The following SEC23A variants were observed in gnomAD, a reference collection of about 807,000 sequenced individuals.
SEC23A encodes protein transport protein Sec23A.
In SEC23A, 56 loss-of-function variants were observed where a neutral mutation model predicts 103.7. The observed-to-expected ratio is 0.54, with a 90% CI of 0.44 to 0.67. SEC23A has a LOEUF of 0.67. Among genes scored for constraint, SEC23A ranks in the 30% least tolerant of loss-of-function variants. The probability of loss-of-function intolerance (pLI) is 0.00; values close to 1 mark genes in which losing one functional copy is unlikely to be tolerated. For missense variants in SEC23A, 784 were observed against 936.4 expected (o/e 0.84, Z 2.12); for synonymous variants, 281 against 293.0 (o/e 0.96, Z 0.42).
intron 1 of SEC23A, among the ~76,000 whole-genome samples, chr14:39,101,358 A>G (rs1012284556): frequency 1.3e-5 from 2 of 151,568 alleles, no homozygotes; most frequent in East Asian, 2.0e-4. Context: ...GGTGGCTCAC[A>G]CCTGTAATCC....
chr14:39,059,337 T>TGG (rs1026588298), intron 13 of SEC23A, among the ~76,000 whole-genome samples: 1 of 130,646 alleles, frequency 7.7e-6, no homozygotes, highest in Non-Finnish European at 1.6e-5. Flanking sequence ...TCATTGGAAA[T>TGG]GGTTGGGATA....
intron 1 of SEC23A, among the ~76,000 whole-genome samples, chr14:39,100,002 T>C (rs545313676): frequency 2.0e-5 from 3 of 152,186 alleles, no homozygotes; most frequent in African/African-American, 7.2e-5. Context: ...ACACAGACAA[T>C]AGCCAGGTTT....
intron 13 of SEC23A, among the ~76,000 whole-genome samples, chr14:39,055,803 CA>C (rs994328983): frequency 6.6e-6 from 1 of 152,160 alleles, no homozygotes; most frequent in African/African-American, 2.4e-5. Context: ...AAAAGAGAAA[CA>C]AATTTTCCTT....
intron 10 of SEC23A, among the ~76,000 whole-genome samples, chr14:39,065,450 A>G (rs1464443170): frequency 6.6e-6 from 1 of 152,072 alleles, no homozygotes; most frequent in Non-Finnish European, 1.5e-5. Context: ...TTCTTACTTG[A>G]GATTCTTTTT....
chr14:39,079,683 G>A (rs760682123), intron 7 of SEC23A, among the ~76,000 whole-genome samples: 10 of 151,940 alleles, frequency 6.6e-5, no homozygotes, highest in South Asian at 2.1e-4. Context: ...TTAGCCAGGC[G>A]GGGTGGCGGG....
Position 39,039,017 on chromosome 14 carries a change from CTATT to C in SEC23A, c.2208+10_2208+13del, listed in dbSNP as rs1885548466. 6.3e-7 allele frequency: 1 copy of C among 1,595,316 alleles called. No individual in the cohort carries two copies. The highest frequency in any genetic ancestry group is 1.1e-5 in the South Asian group (1 of 90,664). ...ACAAAGAAATAATTTCCAAGACCTGCTATTTAAACTTACCTGCCCCCAGGCATAC... is the reference window on the plus strand; with the variant it reads ...ACAAAGAAATAATTTCCAAGACCTGCTAAACTTACCTGCCCCCAGGCATAC... On this transcript the variant is annotated intron_variant, in intron 19 of 19. Coordinates refer to ENST00000307712, the MANE Select transcript of SEC23A (RefSeq NM_006364.4).
At chr14:39,085,699 C>G in intron 7 of SEC23A, 63 bp downstream of exon 7, 1 of 1,099,704 alleles carries the variant, frequency 9.1e-7, no homozygotes, top group Non-Finnish European at 1.2e-6. Context: ...TACACACACA[C>G]ACACACACAC....
At chr14:39,083,301 G>T (rs1057466259) in intron 7 of SEC23A, among the ~76,000 whole-genome samples, 3 of 151,974 alleles carry the variant, frequency 2.0e-5, no homozygotes, top group South Asian at 2.1e-4. Flanking sequence ...TTGCTCCTTC[G>T]GAAAGGCTAA....
At chr14:39,092,105 A>T (rs1341975322) in intron 4 of SEC23A, among the ~76,000 whole-genome samples, 2 of 152,254 alleles carry the variant, frequency 1.3e-5, no homozygotes, top group Non-Finnish European at 2.9e-5. Flanking sequence ...CATAAAAGAT[A>T]TTACTTCCAC....
intron 15 of SEC23A, among the ~76,000 whole-genome samples, 153 bp from the exon 16 acceptor site, chr14:39,045,477 C>A (rs192692429): frequency 3.6e-4 from 54 of 151,926 alleles, no homozygotes; most frequent in African/African-American, 1.1e-3. Context: ...GGAAAGGAAT[C>A]CTATTCACAA....
chr14:39,050,935 G>T (rs1886036990), intron 14 of SEC23A, among the ~76,000 whole-genome samples: 1 of 152,230 alleles, frequency 6.6e-6, no homozygotes, highest in Non-Finnish European at 1.5e-5. Context: ...TGTGATAAAT[G>T]ACTTAGGTGA....
intron 19 of SEC23A, among the ~76,000 whole-genome samples, chr14:39,038,518 T>C (rs930153341): frequency 6.6e-6 from 1 of 152,114 alleles, no homozygotes; most frequent in African/African-American, 2.4e-5. Flanking sequence ...GTTAACACTT[T>C]TTTTTTTTAA....
intron 7 of SEC23A, 146 bp from the exon 8 acceptor site, chr14:39,076,239 A>T (rs1400956886): frequency 1.3e-6 from 1 of 775,692 alleles, no homozygotes; most frequent in Non-Finnish European, 2.0e-6. Flanking sequence ...GAAATTTAAA[A>T]ACAAAGGTAT....
At chr14:39,050,373 C>A (rs1886015922) in intron 14 of SEC23A, among the ~76,000 whole-genome samples, 1 of 152,176 alleles carries the variant, frequency 6.6e-6, no homozygotes. Flanking sequence ...GGGTCAATGC[C>A]TAACCTCTAT....
intron 1 of SEC23A, among the ~76,000 whole-genome samples, chr14:39,100,300 C>T (rs1888038203): frequency 6.6e-6 from 1 of 152,080 alleles, no homozygotes; most frequent in Admixed American, 6.6e-5. Context: ...CTCACCTTTC[C>T]ATAGTAGGAG....
chr14:39,043,879 G>C (rs140293292), intron 16 of SEC23A, among the ~76,000 whole-genome samples: 246 of 152,252 alleles, frequency 1.6e-3, no homozygotes, highest in African/African-American at 5.7e-3. Context: ...TATAATGTTA[G>C]GGACAAAAGT....
chr14:39,053,323 T>C (rs959690301), intron 14 of SEC23A, among the ~76,000 whole-genome samples: 2 of 152,178 alleles, frequency 1.3e-5, no homozygotes, highest in East Asian at 3.9e-4. Flanking sequence ...GATTTCTAAA[T>C]AACAGTGAAA....
intron 18 of SEC23A, 49 bp from the exon 19 acceptor site, chr14:39,039,145 C>A: frequency 7.0e-7 from 1 of 1,424,958 alleles, no homozygotes; most frequent in South Asian, 1.2e-5. Context: ...TGGTTTCAGT[C>A]AATATCAGCT....
At position 39,051,275 on chromosome 14, in the gene SEC23A, C is replaced by T. The variant is rs565715368; in HGVS notation, c.1660-2546G>A. ...TACAGAGCCAAATTGGTGCTGGCAC[C>T]ATGTCTGTTTTGGATACCTTTAACA... On this transcript the variant is annotated intron_variant, in intron 14 of 19. Transcript: ENST00000307712. Among the ~76,000 whole-genome samples the T allele has an allele frequency of 2.6e-5, 4 of 152,104 alleles. No homozygotes were observed. In the South Asian group the frequency reaches 8.3e-4, roughly 31 times the overall value.
Sources: allele counts gnomAD v4.1 joint callset (sites outside exome capture counted in the v4.1 genomes callset), GRCh38; gene constraint gnomAD v4.1.1; transcripts MANE v1.5; gene names NCBI Gene and HGNC (gene_info 2026-07-23, HGNC 2026-07-21).